SPIDR: variants seen among roughly 807,000 people sequenced by gnomAD.
SPIDR encodes scaffold protein involved in DNA repair.
Under a neutral mutation model 104.6 loss-of-function variants are expected in SPIDR, and 93 were observed. The observed-to-expected ratio is 0.89, with a 90% CI of 0.75 to 1.06. SPIDR has a LOEUF of 1.06. Ranked by LOEUF, SPIDR falls within the 50% of genes least tolerant of loss-of-function variation. The pLI is 0.00. For missense variants in SPIDR, 1,154 were observed against 1,111.2 expected (o/e 1.04, Z -0.55); for synonymous variants, 431 against 416.9 (o/e 1.03, Z -0.41).
At chr8:47,715,869 T>C (rs1186797384) in intron 16 of SPIDR, among the ~76,000 whole-genome samples, 2 of 152,192 alleles carry the variant, frequency 1.3e-5, no homozygotes, top group Non-Finnish European at 1.5e-5. Flanking sequence ...CTGGAATTGC[T>C]AAGTCATATG....
intron 10 of SPIDR, among the ~76,000 whole-genome samples, chr8:47,599,663 A>G (rs1199984569): frequency 6.6e-6 from 1 of 152,210 alleles, no homozygotes; most frequent in Non-Finnish European, 1.5e-5. Context: ...AATGATGTAA[A>G]TGTCGTCTGT....
In SPIDR at chr8:47,713,290, G is replaced by A. The variant is rs2082127152; in HGVS notation, c.2189-199G>A. The A allele has an allele frequency of 4.2e-6, 3 of 709,188 alleles. No individual in the cohort carries two copies. In the East Asian group the frequency reaches 7.9e-5, roughly 19 times the overall value. The allele number at this position is 709,188 out of a possible 1,614,324, so 43.9% of individuals were successfully genotyped here. The stretch of plus-strand genomic sequence containing the variant: ...TAATTTACCCTGTGTGGATTGACTT[G>A]AATCTCACATTTGAGTGCTTTTTTA... On this transcript the variant is annotated intron_variant, in intron 15 of 19. Transcript: ENST00000297423.
intron 5 of SPIDR, among the ~76,000 whole-genome samples, chr8:47,338,732 G>T (rs1325086344): frequency 6.6e-6 from 1 of 151,918 alleles, no homozygotes; most frequent in Non-Finnish European, 1.5e-5. Flanking sequence ...GTGTCCATTG[G>T]CCCATCATTT....
chr8:47,729,053 A>G lies in SPIDR; in HGVS notation c.2550+6A>G. On this transcript the variant is annotated splice_donor_region_variant and intron_variant, in intron 18 of 19. Coordinates refer to ENST00000297423, the MANE Select transcript of SPIDR (RefSeq NM_001080394.4). ...AGTGCAGAGTGAAGGTCAAGGTAGGAGCCAGGCCAGAGCACGCACGCACTC... is the reference window on the plus strand; with the variant it reads ...AGTGCAGAGTGAAGGTCAAGGTAGGGGCCAGGCCAGAGCACGCACGCACTC... 1 of 1,613,702 alleles carries G rather than the reference A, an allele frequency of 6.2e-7. No individual in the cohort carries two copies. Among genetic ancestry groups the G allele is most frequent in the Non-Finnish European group, 8.5e-7 (1 of 1,179,942 alleles).
chr8:47,556,714 C>G (rs2091368724), intron 8 of SPIDR, among the ~76,000 whole-genome samples: 2 of 152,118 alleles, frequency 1.3e-5, no homozygotes, highest in African/African-American at 4.8e-5. Flanking sequence ...ATCCTTCCAC[C>G]TCAGCCTCCT....
intron 8 of SPIDR, among the ~76,000 whole-genome samples, chr8:47,552,474 A>G (rs1587648764): frequency 6.6e-6 from 1 of 152,282 alleles, no homozygotes; most frequent in Non-Finnish European, 1.5e-5. Flanking sequence ...GTGCATATAT[A>G]TTTAAGATAG....
chr8:47,681,396 AT>A (rs2077084017), intron 11 of SPIDR, among the ~76,000 whole-genome samples: 1 of 152,080 alleles, frequency 6.6e-6, no homozygotes, highest in Non-Finnish European at 1.5e-5. Flanking sequence ...AACATAGAGC[AT>A]TTTAGAAGGT....
chr8:47,622,289 T>C (rs1187901608), intron 10 of SPIDR, among the ~76,000 whole-genome samples: 1 of 152,092 alleles, frequency 6.6e-6, no homozygotes, highest in Non-Finnish European at 1.5e-5. Context: ...CTTGATAACT[T>C]GGAAAATAAT....
At position 47,713,537 on chromosome 8, in the gene SPIDR, T is replaced by C. The variant is rs745788329; in HGVS notation, c.2237T>C (p.Leu746Pro). 6.2e-7 allele frequency: 1 copy of C among 1,614,160 alleles called. No individual in the cohort carries two copies. The highest frequency in any genetic ancestry group is 1.7e-5 in the Admixed American group (1 of 60,024). ...ERTVLLLQKP[L>P]LSVVSGASSC... ...ACTGTCCTCTTGCTTCAGAAGCCCC[T>C]TTTGAGTGTGGTCTCTGGTGCAAGT... Residue 746 changes from leucine to proline, a missense_variant, in exon 16 of 20, where the codon CTT becomes CCT. Transcript: ENST00000297423.
intron 8 of SPIDR, among the ~76,000 whole-genome samples, chr8:47,504,162 C>G: frequency 6.6e-6 from 1 of 152,072 alleles, no homozygotes; most frequent in Non-Finnish European, 1.5e-5. Context: ...TCTGTATTTC[C>G]TGAATTTGAA....
At chr8:47,294,143 T>A (rs2040422168) in intron 5 of SPIDR, 113 bp downstream of exon 5, 3 of 1,366,192 alleles carry the variant, frequency 2.2e-6, no homozygotes, top group Non-Finnish European at 3.0e-6. Context: ...CAACCACTTT[T>A]GACTCTTAGG....
At chr8:47,389,770 G>A (rs1295365531) in intron 5 of SPIDR, among the ~76,000 whole-genome samples, 1 of 151,872 alleles carries the variant, frequency 6.6e-6, no homozygotes, top group African/African-American at 2.4e-5. Flanking sequence ...GCAGCAGTAG[G>A]CAACCTATCA....
At chr8:47,302,769 T>G (rs1193056379) in intron 5 of SPIDR, among the ~76,000 whole-genome samples, 1 of 152,118 alleles carries the variant, frequency 6.6e-6, no homozygotes, top group African/African-American at 2.4e-5. Context: ...CAATATTGGT[T>G]TATACCAAAT....
intron 8 of SPIDR, among the ~76,000 whole-genome samples, chr8:47,462,417 A>T (rs2074094056): frequency 1.3e-5 from 2 of 152,108 alleles, no homozygotes; most frequent in Non-Finnish European, 2.9e-5. Context: ...AAAGTTCATG[A>T]TGCGAGTCTC....
intron 8 of SPIDR, among the ~76,000 whole-genome samples, chr8:47,499,420 A>T (rs1435676238): frequency 2.0e-5 from 3 of 152,196 alleles, no homozygotes; most frequent in Non-Finnish European, 4.4e-5. Context: ...CCTGTCAAGC[A>T]GACTTGAATC....
chr8:47,531,543 G>GT (rs1323694841), intron 8 of SPIDR, among the ~76,000 whole-genome samples: 1 of 152,156 alleles, frequency 6.6e-6, no homozygotes, highest in African/African-American at 2.4e-5. Flanking sequence ...AAACCTTTTG[G>GT]TACTGGGGTT....
In SPIDR at chr8:47,674,131, G is replaced by A. The variant is rs973702821; in HGVS notation, c.1685+190G>A. Among the ~76,000 whole-genome samples, 8 of 152,184 alleles carry A rather than the reference G, an allele frequency of 5.3e-5. No individual in the cohort carries two copies. The East Asian group carries it at 5.8e-4, about 11-fold the overall frequency. On this transcript the variant is annotated intron_variant, in intron 11 of 19. Transcript: ENST00000297423. ...TAGGGGAAGAATTTCAATTGACAAC[G>A]AAAAGAATTAGGCAGATTTCATGAT...
chr8:47,495,855 C>T (rs1284248904), intron 8 of SPIDR, among the ~76,000 whole-genome samples: 1 of 152,104 alleles, frequency 6.6e-6, no homozygotes, highest in Non-Finnish European at 1.5e-5. Flanking sequence ...GTTCAAGGAT[C>T]AATTCTTTCC....
intron 16 of SPIDR, among the ~76,000 whole-genome samples, chr8:47,716,557 C>T (rs1214009829): frequency 2.0e-5 from 3 of 152,136 alleles, no homozygotes; most frequent in East Asian, 3.9e-4. Context: ...CCTCAAAACA[C>T]TGTTGAGAAT....
Sources: gnomAD v4.1 joint callset for allele counts (sites outside exome capture counted in the v4.1 genomes callset) on GRCh38, gnomAD v4.1.1 for gene constraint, MANE v1.5 for transcripts, NCBI Gene and HGNC (gene_info 2026-07-23, HGNC 2026-07-21) for gene names.